The following SETBP1 variants were observed in gnomAD, a reference collection of about 807,000 sequenced individuals.
SETBP1 encodes SET binding protein 1.
In SETBP1, 9 loss-of-function variants were observed where a neutral mutation model predicts 101.0. That is an observed-to-expected ratio of 0.09 (90% CI 0.05 to 0.16). SETBP1 has a LOEUF of 0.16. SETBP1 is among the 10% of genes least tolerant of loss of function. SETBP1 has a pLI of 1.00. For missense variants in SETBP1, 1,858 were observed against 2,033.8 expected, an observed-to-expected ratio of 0.91 and a Z score of 1.66; for synonymous variants, 818 against 788.5, an observed-to-expected ratio of 1.04 and a Z score of -0.63.
chr18:44,731,177 C>T (rs899739706), intron 2 of SETBP1, among the ~76,000 whole-genome samples: 1 of 152,172 alleles, frequency 6.6e-6, no homozygotes, highest in Non-Finnish European at 1.5e-5. Context: ...TTGGACTTCA[C>T]ACATGGTATC....
chr18:44,685,927 G>A (rs779148084), intron 1 of SETBP1, among the ~76,000 whole-genome samples: 1 of 152,200 alleles, frequency 6.6e-6, no homozygotes, highest in Non-Finnish European at 1.5e-5. Context: ...TGGACTCAAA[G>A]ATGTCCCAGT....
At chr18:44,987,017 C>T (rs1017180985) in intron 4 of SETBP1, 2 of 152,112 alleles carry the variant, frequency 1.3e-5, no homozygotes, top group Admixed American at 1.3e-4. Flanking sequence ...TGTACCGTAC[C>T]TAGTCCTATG....
chr18:44,930,476 T>G (rs1354906066), intron 3 of SETBP1, among the ~76,000 whole-genome samples: 2 of 152,194 alleles, frequency 1.3e-5, no homozygotes, highest in Admixed American at 1.3e-4. Flanking sequence ...GGATTCACTC[T>G]TTTTCTATTG....
chr18:44,841,266 C>T (rs2072610491), intron 2 of SETBP1, among the ~76,000 whole-genome samples: 2 of 152,156 alleles, frequency 1.3e-5, no homozygotes, highest in Non-Finnish European at 1.5e-5. Context: ...CCTCCCGGTT[C>T]TTGGCAGGAG....
At chr18:44,773,975 A>G (rs2070938476) in intron 2 of SETBP1, among the ~76,000 whole-genome samples, 1 of 152,044 alleles carries the variant, frequency 6.6e-6, no homozygotes, top group African/African-American at 2.4e-5. Context: ...GTTTCCTACC[A>G]CAACCACTTA....
chr18:44,806,059 ACTT>A (rs1568155610), intron 2 of SETBP1, among the ~76,000 whole-genome samples: 1 of 152,102 alleles, frequency 6.6e-6, no homozygotes, highest in African/African-American at 2.4e-5. Flanking sequence ...TCTGTCACAC[ACTT>A]CTTGATATTT....
intron 4 of SETBP1, among the ~76,000 whole-genome samples, chr18:44,965,630 A>T (rs2071705755): frequency 1.3e-5 from 2 of 152,168 alleles, no homozygotes; most frequent in African/African-American, 4.8e-5. Flanking sequence ...AAAGGAGAAA[A>T]CAAAATTTTC....
chr18:44,774,993 G>C (rs2070965155), intron 2 of SETBP1, among the ~76,000 whole-genome samples: 1 of 151,826 alleles, frequency 6.6e-6, no homozygotes, highest in South Asian at 2.1e-4. Flanking sequence ...AAGGTTCCTA[G>C]AGGTAAATTT....
chr18:44,830,103 A>T (rs1034193038), intron 2 of SETBP1, among the ~76,000 whole-genome samples: 3 of 152,332 alleles, frequency 2.0e-5, no homozygotes, highest in Non-Finnish European at 2.9e-5. Context: ...GTTTGGGGAA[A>T]AAAACTAAAT....
intron 2 of SETBP1, among the ~76,000 whole-genome samples, chr18:44,709,764 A>T (rs1395632099): frequency 6.8e-6 from 1 of 147,176 alleles, no homozygotes; most frequent in African/African-American, 2.5e-5. Context: ...CCAGTGCCTG[A>T]TGTCTGATGC....
In SETBP1 at chr18:44,952,146, C is replaced by G; in HGVS notation, c.2806C>G (p.Pro936Ala). ...NFLAHESLKK[P>A]KHKRKRKSLQ... ...TCTGGCCCACGAAAGCCTCAAGAAG[C>G]CAAAGCACAAGAGGAAACGGAAAAG... The change falls in exon 4 of 6, where the codon CCA (proline) becomes GCA (alanine). Residue 936 changes from proline (P) to alanine (A), a missense_variant. Coordinates refer to ENST00000649279, the MANE Select transcript of SETBP1 (RefSeq NM_015559.3). The G allele has an allele frequency of 6.2e-7, 1 of 1,614,118 alleles. No homozygotes were observed. The highest frequency in any genetic ancestry group is 1.1e-5 in the South Asian group (1 of 91,072).
intron 4 of SETBP1, among the ~76,000 whole-genome samples, chr18:45,033,074 A>G (rs1293978207): frequency 1.3e-5 from 2 of 152,224 alleles, no homozygotes; most frequent in East Asian, 1.9e-4. Context: ...ACTTTATTCT[A>G]TAATGTCGAT....
intron 2 of SETBP1, among the ~76,000 whole-genome samples, chr18:44,802,077 A>G (rs2071618921): frequency 6.6e-6 from 1 of 152,190 alleles, no homozygotes; most frequent in Non-Finnish European, 1.5e-5. Context: ...CTCCTCTGCC[A>G]GGCAGAAATA....
chr18:44,770,610 G>A (rs2070851876), intron 2 of SETBP1, among the ~76,000 whole-genome samples: 1 of 152,052 alleles, frequency 6.6e-6, no homozygotes, highest in Non-Finnish European at 1.5e-5. Flanking sequence ...TTTCACACTT[G>A]CCAGAGCAAA....
chr18:44,790,668 A>T (rs2071350502), intron 2 of SETBP1, among the ~76,000 whole-genome samples: 1 of 152,220 alleles, frequency 6.6e-6, no homozygotes, highest in Non-Finnish European at 1.5e-5. Context: ...TGCATGGGGA[A>T]CTTTTTGAAG....
chr18:44,844,338 C>T (rs952438934), intron 2 of SETBP1, among the ~76,000 whole-genome samples: 4 of 72,130 alleles, frequency 5.5e-5, no homozygotes, highest in Non-Finnish European at 8.5e-5. Context: ...CACACACACA[C>T]GTGCACACAC....
At chr18:44,766,248 G>A (rs1250750550) in intron 2 of SETBP1, among the ~76,000 whole-genome samples, 3 of 152,208 alleles carry the variant, frequency 2.0e-5, no homozygotes, top group East Asian at 1.9e-4. Flanking sequence ...AGTGGACAAC[G>A]GGTCATGGGG....
chr18:44,850,380 T>C (rs11082411), intron 2 of SETBP1, among the ~76,000 whole-genome samples: 2 of 63,384 alleles, frequency 3.2e-5, no homozygotes, highest in Admixed American at 1.6e-4. Context: ...TTTTTTTTTC[T>C]TTTTTTTTGA....
At chr18:44,973,318 G>T (rs908388324) in intron 4 of SETBP1, among the ~76,000 whole-genome samples, 1 of 152,158 alleles carries the variant, frequency 6.6e-6, no homozygotes, top group Non-Finnish European at 1.5e-5. Flanking sequence ...TGTTCATCAG[G>T]GATATTCATC....
Sources: allele counts gnomAD v4.1 joint callset (sites outside exome capture counted in the v4.1 genomes callset), GRCh38; gene constraint gnomAD v4.1.1; transcripts MANE v1.5; gene names NCBI Gene and HGNC (gene_info 2026-07-23, HGNC 2026-07-21).